The following SMUG1 variants were observed in gnomAD, a reference collection of about 807,000 sequenced individuals.
The protein encoded by SMUG1 is single-strand-selective monofunctional uracil-DNA glycosylase 1.
In SMUG1, 13 loss-of-function variants were observed where a neutral mutation model predicts 23.9. That is an observed-to-expected ratio of 0.54 (90% confidence interval 0.35 to 0.86). The LOEUF (loss-of-function observed/expected upper bound fraction) is 0.86, where lower values mean the gene tolerates loss of function less well. SMUG1 is among the 40% of genes least tolerant of loss of function. The pLI is 0.01. For missense variants in SMUG1, 313 were observed against 339.5 expected, an observed-to-expected ratio of 0.92 and a Z score of 0.61; for synonymous variants, 133 against 139.8, an observed-to-expected ratio of 0.95 and a Z score of 0.34.
At chr12:54,159,830 C>T (rs1433791488), downstream of SMUG1, among the ~76,000 whole-genome samples, 4 of 152,190 alleles carry the variant, frequency 2.6e-5, no homozygotes, top group African/African-American at 7.2e-5. Context: ...GTGTGCACTG[C>T]GCATCGGAGC....
chr12:54,170,892 T>G (rs1940598390), intron 3 of SMUG1, among the ~76,000 whole-genome samples: 1 of 152,020 alleles, frequency 6.6e-6, no homozygotes, highest in Non-Finnish European at 1.5e-5. Context: ...CCACTGCACC[T>G]GGCCCCTTTT....
chr12:54,186,435 C>T (rs534631868), intron 2 of SMUG1, among the ~76,000 whole-genome samples: 18 of 152,130 alleles, frequency 1.2e-4, no homozygotes, highest in African/African-American at 2.9e-4. Context: ...CTCTGCCTCC[C>T]GGGTTCAAGT....
Position 54,183,744 on chromosome 12 carries a change from C to A in SMUG1, c.197G>T (p.Arg66Leu). The A allele has an allele frequency of 6.2e-7, 1 of 1,614,046 alleles. No homozygotes were observed. The highest frequency in any genetic ancestry group is 8.5e-7 in the Non-Finnish European group (1 of 1,179,978). ...NPVEYAWEPH[R>L]NYVTRYCQGP... ...CTGGCAGTAGCGAGTCACGTAGTTG[C>A]GATGTGGCTCCCATGCATACTCCAC... The change falls in exon 3 of 4, where the codon CGC becomes CTC. Residue 66 changes from arginine to leucine, a missense_variant. Physicochemically the swap from Arg to Leu is moderately radical, Grantham distance 102. Transcript: ENST00000682136.
chr12:54,177,051 C>T (rs1348558747), downstream of SMUG1, among the ~76,000 whole-genome samples: 6 of 152,136 alleles, frequency 3.9e-5, no homozygotes, highest in South Asian at 4.1e-4. Context: ...GGATGGCACA[C>T]GGGTAGCTTT....
rs761914252 is a variant in SMUG1, at chr12:54,159,148, T to TCAGCCC, written n.687+6220_687+6225dup. On this transcript the variant is annotated intron_variant and non_coding_transcript_variant, in intron 4 of 5. Coordinates refer to the SMUG1 transcript ENST00000634429. ...CCAAGCCTGGCTGTAGTTCAGGTTG[T>TCAGCCC]CAGCCCCAGCCCCAGCCCCAGCCCC... is the stretch of plus-strand genomic sequence containing the variant. Among the ~76,000 whole-genome samples the TCAGCCC allele has an allele frequency of 7.8e-3, 1,182 of 152,152 alleles. 21 individuals carry two copies. Among genetic ancestry groups the TCAGCCC allele is most frequent in the African/African-American group, 0.027 (1,106 of 41,456 alleles).
chr12:54,181,343 G>A lies in SMUG1; in HGVS notation c.*753C>T. Reference sequence around the variant, plus strand: ...CTGTGAATCCTCAACCCAGAGGCAAGAAAACAAGAAGACTATGTAATGAGC... The same window carrying A: ...CTGTGAATCCTCAACCCAGAGGCAAAAAAACAAGAAGACTATGTAATGAGC... On this transcript the variant is annotated 3_prime_UTR_variant, in exon 4 of 4. Coordinates refer to ENST00000682136, the MANE Select transcript of SMUG1 (RefSeq NM_001243787.2). 5 of 583,808 alleles carry A rather than the reference G, an allele frequency of 8.6e-6. No individual in the cohort carries two copies. Among genetic ancestry groups the A allele is most frequent in the South Asian group, 6.3e-5 (3 of 47,334 alleles). The allele number at this position is 583,808 out of a possible 1,614,324, so 36.2% of individuals were successfully genotyped here.
In SMUG1 at chr12:54,185,474, AAATAAAAT is replaced by A. The variant is rs1229798963; in HGVS notation, c.-19-1523_-19-1516del. Among the ~76,000 whole-genome samples, 44 of 86,140 alleles carry A rather than the reference AAATAAAAT, an allele frequency of 5.1e-4. 1 individual carries two copies. Among genetic ancestry groups the A allele is most frequent in the African/African-American group, 1.8e-3 (44 of 24,962 alleles). 56.5% of individuals were successfully genotyped at this position (86,140 alleles called of 152,430 possible). A position where few individuals can be genotyped will look rare whatever the true frequency, so the allele number is the denominator to read the frequency against. ...AAGAGCAAGACTCCATCTCAAAAAA[AAATAAAAT>A]AAAAAATAAATAAATAAATAAATAA... is the stretch of plus-strand genomic sequence containing the variant. On this transcript the variant is annotated intron_variant, in intron 2 of 3. Transcript: ENST00000682136.
At chr12:54,160,283 G>A (rs1293240304), downstream of SMUG1, among the ~76,000 whole-genome samples, 3 of 152,230 alleles carry the variant, frequency 2.0e-5, no homozygotes, top group South Asian at 2.1e-4. Context: ...AGAGCTAATC[G>A]CTGCTGCTGC....
chr12:54,172,431 C>G (rs958668293), intron 2 of SMUG1: 1 of 210,210 alleles, frequency 4.8e-6, no homozygotes, highest in Middle Eastern at 2.2e-3. Context: ...TATGTTGGGG[C>G]GCCTGAGCAG....
intron 3 of SMUG1, among the ~76,000 whole-genome samples, chr12:54,169,929 T>C (rs1940571893): frequency 6.6e-6 from 1 of 152,108 alleles, no homozygotes. Context: ...CTGGGTACAA[T>C]GGCTCATGCC....
chr12:54,176,486 G>A (rs531208496), downstream of SMUG1, among the ~76,000 whole-genome samples: 2 of 126,282 alleles, frequency 1.6e-5, no homozygotes, highest in South Asian at 5.3e-4. Flanking sequence ...ACTCCAGCCT[G>A]GGAAAGAGAA....
chr12:54,159,853 G>A (rs1028458067), downstream of SMUG1, among the ~76,000 whole-genome samples: 2 of 152,230 alleles, frequency 1.3e-5, no homozygotes, highest in East Asian at 1.9e-4. Context: ...CAGCCAGGGC[G>A]CAGCCTGGGA....
Position 54,181,460 on chromosome 12 carries a change from G to A in SMUG1, c.*636C>T, listed in dbSNP as rs888643118. The stretch of plus-strand genomic sequence containing the variant: ...ATAAGGTAGGCATCCCTGTTTTACA[G>A]ATGAGGAGCCTGAGGCATAGAGAGG... On this transcript the variant is annotated 3_prime_UTR_variant, in exon 4 of 4. Transcript: ENST00000682136. 6.8e-6 allele frequency: 8 copies of A among 1,177,424 alleles called. No homozygotes were observed. The highest frequency in any genetic ancestry group is 1.5e-5 in the African/African-American group (1 of 65,768). The allele number at this position is 1,177,424 out of a possible 1,614,324, so 72.9% of individuals were successfully genotyped here.
chr12:54,160,109 C>T (rs1006162836), downstream of SMUG1, among the ~76,000 whole-genome samples: 1 of 152,228 alleles, frequency 6.6e-6, no homozygotes, highest in Non-Finnish European at 1.5e-5. Context: ...AGCACATCTC[C>T]CAGCTGAATG....
intron 2 of SMUG1, chr12:54,173,253 G>C (rs1351364565): frequency 6.5e-6 from 1 of 153,734 alleles, no homozygotes; most frequent in African/African-American, 2.4e-5. Flanking sequence ...CCCAGCGAGA[G>C]AGCAAACGGG....
intron 3 of SMUG1, among the ~76,000 whole-genome samples, chr12:54,171,236 G>C (rs944994528): frequency 6.6e-6 from 1 of 150,856 alleles, no homozygotes. Context: ...CTGACCTCAG[G>C]TGATCGGCCC....
At chr12:54,176,582 G>A (rs183301306), downstream of SMUG1, among the ~76,000 whole-genome samples, 58 of 148,994 alleles carry the variant, frequency 3.9e-4, no homozygotes, top group Non-Finnish European at 6.8e-4. Flanking sequence ...CGAGACGGGC[G>A]GATCACAAGG....
intron 4 of SMUG1, among the ~76,000 whole-genome samples, chr12:54,158,300 T>C (rs981718030): frequency 2.6e-5 from 4 of 152,204 alleles, no homozygotes; most frequent in Non-Finnish European, 5.9e-5. Context: ...TCATAGCCCC[T>C]ACCACCAGGA....
At chr12:54,173,370 A>G (rs1479771990) in intron 2 of SMUG1, 1 of 152,966 alleles carries the variant, frequency 6.5e-6, no homozygotes. Context: ...ACGCACGCGG[A>G]CAGACCAGAA....
Sources: allele counts gnomAD v4.1 joint callset (sites outside exome capture counted in the v4.1 genomes callset), GRCh38; gene constraint gnomAD v4.1.1; transcripts MANE v1.5; gene names NCBI Gene and HGNC (gene_info 2026-07-23, HGNC 2026-07-21).